DAB1: variants seen among roughly 807,000 people sequenced by gnomAD.
DAB1 encodes disabled homolog 1.
A neutral mutation model predicts 64.6 loss-of-function variants in DAB1; 15 were observed. That is an observed-to-expected ratio of 0.23 (90% confidence interval 0.16 to 0.36). DAB1 has a LOEUF of 0.36. Among genes scored for constraint, DAB1 ranks in the 10% least tolerant of loss-of-function variants. DAB1 has a pLI of 1.00. For missense variants in DAB1, 596 were observed against 706.7 expected (o/e 0.84, Z 1.78); for synonymous variants, 235 against 251.9 (o/e 0.93, Z 0.64).
At chr1:57,593,988 C>G (rs993787897) in intron 7 of DAB1, among the ~76,000 whole-genome samples, 1 of 152,282 alleles carries the variant, frequency 6.6e-6, no homozygotes, top group Non-Finnish European at 1.5e-5. Context: ...GGTTGTATGC[C>G]TTGCCTATGA....
intron 4 of DAB1, among the ~76,000 whole-genome samples, chr1:58,307,819 G>A (rs1474640211): frequency 6.6e-6 from 1 of 151,980 alleles, no homozygotes; most frequent in Non-Finnish European, 1.5e-5. Flanking sequence ...TAAATACCCA[G>A]GAAAGGGGGC....
intron 9 of DAB1, among the ~76,000 whole-genome samples, chr1:57,053,862 AT>A (rs1241988556): frequency 6.7e-6 from 1 of 150,024 alleles, no homozygotes; most frequent in African/African-American, 2.5e-5. Flanking sequence ...TAATTTTTGT[AT>A]TTTTGTAGAG....
Position 56,996,118 on chromosome 1 carries a change from G to A in DAB1, c.*2026C>T, listed in dbSNP as rs192728606. ...TTTAAATGATAACCATTACCTTCATGTATCACTTTTCGCTTTGTGAACAAG... is the reference window on the plus strand; with the variant it reads ...TTTAAATGATAACCATTACCTTCATATATCACTTTTCGCTTTGTGAACAAG... On this transcript the variant is annotated 3_prime_UTR_variant, in exon 15 of 15. Coordinates refer to ENST00000371236, the MANE Select transcript of DAB1 (RefSeq NM_001365792.1). The A allele has an allele frequency of 6.6e-6, 1 of 152,260 alleles. No individual in the cohort carries two copies. The highest frequency in any genetic ancestry group is 2.4e-5 in the African/African-American group (1 of 41,548). The allele number at this position is 152,260 out of a possible 1,614,324, so 9.4% of individuals were successfully genotyped here.
intron 1 of DAB1, among the ~76,000 whole-genome samples, chr1:57,350,512 C>T (rs1678499613): frequency 6.6e-6 from 1 of 152,058 alleles, no homozygotes; most frequent in Non-Finnish European, 1.5e-5. Flanking sequence ...CCACTTGGCC[C>T]CGACTGCTGA....
chr1:57,027,560 A>G (rs1317687257), intron 9 of DAB1, among the ~76,000 whole-genome samples: 1 of 152,150 alleles, frequency 6.6e-6, no homozygotes, highest in Non-Finnish European at 1.5e-5. Context: ...ACCCCCCAAC[A>G]GGGGGTATAT....
At chr1:58,540,272 T>G (rs545101528) in intron 1 of DAB1, among the ~76,000 whole-genome samples, 1 of 142,356 alleles carries the variant, frequency 7.0e-6, no homozygotes, top group Non-Finnish European at 1.5e-5. Context: ...AAGCAACAAC[T>G]GCATCCCAGG....
chr1:57,261,732 G>C (rs74077623), intron 2 of DAB1, among the ~76,000 whole-genome samples: 2,649 of 152,234 alleles, frequency 0.017, 82 homozygotes, highest in African/African-American at 0.059. Context: ...GAGTGACTTT[G>C]GACAAGTCAC....
chr1:57,590,730 T>A (rs1645435289), intron 7 of DAB1, among the ~76,000 whole-genome samples: 1 of 121,118 alleles, frequency 8.3e-6, no homozygotes, highest in South Asian at 3.0e-4. Context: ...CACATTGTAG[T>A]CCGTAACACA....
chr1:57,601,959 G>A (rs1645580216), intron 7 of DAB1, among the ~76,000 whole-genome samples: 1 of 152,244 alleles, frequency 6.6e-6, no homozygotes, highest in Middle Eastern at 3.4e-3. Flanking sequence ...GAGAACAAAT[G>A]GGCCTGATTC....
At chr1:57,635,405 G>A (rs1216091024) in intron 7 of DAB1, among the ~76,000 whole-genome samples, 1 of 152,102 alleles carries the variant, frequency 6.6e-6, no homozygotes, top group East Asian at 1.9e-4. Context: ...TTGCGTTACT[G>A]CCTGAGCTCC....
At chr1:58,004,051 G>A (rs1468548303) in intron 5 of DAB1, among the ~76,000 whole-genome samples, 1 of 152,176 alleles carries the variant, frequency 6.6e-6, no homozygotes, top group African/African-American at 2.4e-5. Flanking sequence ...ACGGACTAAT[G>A]CCAAGGCACA....
intron 7 of DAB1, among the ~76,000 whole-genome samples, chr1:57,638,820 T>G (rs1646091483): frequency 6.6e-6 from 1 of 151,964 alleles, no homozygotes; most frequent in South Asian, 2.1e-4. Flanking sequence ...TAATCCAGTG[T>G]GGCTGGAAAC....
intron 5 of DAB1, among the ~76,000 whole-genome samples, chr1:58,135,330 A>G (rs1383448670): frequency 6.6e-6 from 1 of 152,160 alleles, no homozygotes; most frequent in African/African-American, 2.4e-5. Context: ...GAATGAGGTT[A>G]TTATAGACAA....
chr1:57,033,814 C>G (rs1457848485), intron 9 of DAB1, among the ~76,000 whole-genome samples: 2 of 152,142 alleles, frequency 1.3e-5, no homozygotes, highest in Admixed American at 6.6e-5. Flanking sequence ...CATCTTCCTG[C>G]AATTAGAGAC....
chr1:57,670,851 C>T (rs1646502493), intron 6 of DAB1, among the ~76,000 whole-genome samples: 1 of 152,106 alleles, frequency 6.6e-6, no homozygotes, highest in Non-Finnish European at 1.5e-5. Context: ...CCCTTGGGAT[C>T]CATGGGGGAT....
intron 2 of DAB1, among the ~76,000 whole-genome samples, chr1:57,245,349 G>A (rs1244502034): frequency 6.6e-6 from 1 of 152,086 alleles, no homozygotes; most frequent in African/African-American, 2.4e-5. Flanking sequence ...TGTTACATAG[G>A]TATACATGTG....
intron 4 of DAB1, among the ~76,000 whole-genome samples, chr1:58,174,819 T>C (rs961688610): frequency 6.6e-6 from 1 of 150,964 alleles, no homozygotes; most frequent in Non-Finnish European, 1.5e-5. Flanking sequence ...AGCTAAAGGA[T>C]TGTAAATGCA....
intron 1 of DAB1, among the ~76,000 whole-genome samples, chr1:57,342,830 G>A (rs1031371006): frequency 2.0e-5 from 3 of 149,620 alleles, no homozygotes; most frequent in Non-Finnish European, 4.5e-5. Context: ...TTGGTTCCTC[G>A]CGGTGGGTTC....
At chr1:58,138,720 T>C (rs958779292) in intron 5 of DAB1, among the ~76,000 whole-genome samples, 18 of 152,064 alleles carry the variant, frequency 1.2e-4, no homozygotes, top group African/African-American at 3.9e-4. Context: ...GTGAAAAATA[T>C]GGAAGCTTGA....
Sources: allele counts gnomAD v4.1 joint callset (sites outside exome capture counted in the v4.1 genomes callset), GRCh38; gene constraint gnomAD v4.1.1; transcripts MANE v1.5; gene names NCBI Gene and HGNC (gene_info 2026-07-23, HGNC 2026-07-21).